The following COL4A1 variants were observed in gnomAD, a reference collection of about 807,000 sequenced individuals.
The protein encoded by COL4A1 is collagen alpha-1(IV) chain.
A neutral mutation model predicts 216.6 loss-of-function variants in COL4A1; 40 were observed. The ratio of observed to expected loss-of-function variants is 0.18; its 90% CI spans 0.14 to 0.24. The LOEUF is 0.24. Ranked by LOEUF, COL4A1 falls within the 10% of genes least tolerant of loss-of-function variation. The pLI, the probability that COL4A1 is intolerant of heterozygous loss-of-function variation, is 1.00. For missense variants in COL4A1, 1,628 were observed against 2,196.8 expected (o/e 0.74, Z 5.18); for synonymous variants, 839 against 810.7 (o/e 1.03, Z -0.59).
chr13:110,301,262 T>C (rs1230121793), intron 1 of COL4A1, among the ~76,000 whole-genome samples: 1 of 152,212 alleles, frequency 6.6e-6, no homozygotes, highest in Non-Finnish European at 1.5e-5. Context: ...CCCAAGAGAA[T>C]GGCAGCTAGA....
chr13:110,264,991 C>T (rs373858233), intron 1 of COL4A1, among the ~76,000 whole-genome samples: 1 of 152,252 alleles, frequency 6.6e-6, no homozygotes, highest in Non-Finnish European at 1.5e-5. Context: ...GTTGCTGGAT[C>T]GCCAAGTGCT....
chr13:110,266,162 G>A (rs1249253514), intron 1 of COL4A1: 2 of 152,238 alleles, frequency 1.3e-5, no homozygotes, highest in African/African-American at 4.8e-5. Flanking sequence ...TGCACACAGC[G>A]AAAGATCGCC....
chr13:110,156,436 T>G (rs1446330480), intron 49 of COL4A1, among the ~76,000 whole-genome samples: 1 of 152,212 alleles, frequency 6.6e-6, no homozygotes, highest in African/African-American at 2.4e-5. Flanking sequence ...ATGGGCCTCC[T>G]GCGGGAAACT....
chr13:110,247,601 G>A (rs1406050447), intron 1 of COL4A1, among the ~76,000 whole-genome samples: 2 of 152,068 alleles, frequency 1.3e-5, no homozygotes, highest in Non-Finnish European at 2.9e-5. Context: ...AGGGGAGGAA[G>A]AGAAGTCAAT....
chr13:110,162,414 G>A lies in COL4A1; in HGVS notation c.4278C>T (p.Gly1426=), dbSNP rs781722851. The change falls in exon 48 of 52, where the codon GGC becomes GGT. Residue 1426 remains glycine (G), a synonymous_variant. Coordinates refer to ENST00000375820, the MANE Select transcript of COL4A1 (RefSeq NM_001845.6). ...TGPRGFPGPP[G]PDGLPGSMGP... Reference sequence around the variant, plus strand: ...CCATGGATCCTGGCAACCCATCGGGGCCTGGTGGACCTGGAAATCCTCTTG... The same window carrying A: ...CCATGGATCCTGGCAACCCATCGGGACCTGGTGGACCTGGAAATCCTCTTG... The A allele has an allele frequency of 1.2e-6, 2 of 1,614,174 alleles. No homozygotes were observed. Among genetic ancestry groups the A allele is most frequent in the Non-Finnish European group, 1.7e-6 (2 of 1,180,004 alleles).
chr13:110,211,715 AT>A lies in COL4A1; in HGVS notation c.442-43del. 1 of 1,589,490 alleles carries A rather than the reference AT, an allele frequency of 6.3e-7. No individual in the cohort carries two copies. The highest frequency in any genetic ancestry group is 8.6e-7 in the Non-Finnish European group (1 of 1,162,166). ...TGGTGTTAGTTTTGTTTTTCTCAAA[AT>A]ATCATTAGCATTAAAATTGTTATCA... On this transcript the variant is annotated intron_variant, in intron 7 of 51. Transcript: ENST00000375820. The surrounding 1 kb of genome is among the most constrained non-coding windows in gnomAD (Gnocchi z 4.3).
intron 1 of COL4A1, among the ~76,000 whole-genome samples, chr13:110,273,757 C>T (rs1030417761): frequency 1.3e-5 from 2 of 152,208 alleles, no homozygotes; most frequent in Non-Finnish European, 2.9e-5. Context: ...ACCCCAGTGT[C>T]CATCAGTGCT....
chr13:110,283,102 C>T (rs1385358297), intron 1 of COL4A1, among the ~76,000 whole-genome samples: 2 of 152,180 alleles, frequency 1.3e-5, no homozygotes, highest in Non-Finnish European at 2.9e-5. Context: ...TCTCTCCTTA[C>T]CATGTTTTAT....
intron 2 of COL4A1, among the ~76,000 whole-genome samples, chr13:110,218,075 C>G (rs532338197): frequency 3.3e-5 from 5 of 152,228 alleles, no homozygotes; most frequent in Non-Finnish European, 5.9e-5. Flanking sequence ...AAATACAAAT[C>G]AAATACCCAG....
intron 1 of COL4A1, chr13:110,298,590 T>C (rs1180453778): frequency 1.3e-5 from 2 of 152,252 alleles, no homozygotes; most frequent in South Asian, 2.1e-4. Context: ...TTAGGAGTTA[T>C]TTTAAACCAC....
chr13:110,185,041 G>A (rs1878339667), intron 26 of COL4A1, among the ~76,000 whole-genome samples: 1 of 152,190 alleles, frequency 6.6e-6, no homozygotes, highest in Admixed American at 6.5e-5. Flanking sequence ...GGCTCAATAT[G>A]GTTATTGACA....
chr13:110,203,957 A>C (rs1439392784), intron 17 of COL4A1, among the ~76,000 whole-genome samples: 1 of 152,244 alleles, frequency 6.6e-6, no homozygotes, highest in African/African-American at 2.4e-5. Context: ...CAATTTTAAA[A>C]AGAGAAATGA....
In COL4A1 at chr13:110,198,501, A is replaced by G; in HGVS notation, c.1251T>C (p.Gly417=). The G allele has an allele frequency of 1.2e-6, 2 of 1,613,896 alleles. No individual in the cohort carries two copies. Among genetic ancestry groups the G allele is most frequent in the Non-Finnish European group, 1.7e-6 (2 of 1,179,958 alleles). ...SGRDGLPGPP[G]SPGPPGQPGY... ...CAGGCTGCCCAGGGGGCCCAGGGGA[A>G]CCAGGAGGACCCGGGAGCCCATCTC... Residue 417 remains glycine (G), a synonymous_variant, in exon 21 of 52, where the codon GGT becomes GGC. Coordinates refer to ENST00000375820, the MANE Select transcript of COL4A1 (RefSeq NM_001845.6).
intron 23 of COL4A1, among the ~76,000 whole-genome samples, chr13:110,192,609 G>A (rs1878688632): frequency 6.6e-6 from 1 of 152,164 alleles, no homozygotes. Flanking sequence ...GGAGGGAACT[G>A]TTATGCTGCT....
intron 1 of COL4A1, among the ~76,000 whole-genome samples, chr13:110,248,084 T>C (rs888995723): frequency 4.0e-5 from 6 of 151,594 alleles, no homozygotes; most frequent in African/African-American, 1.5e-4. Context: ...ACAGCTTATC[T>C]TTCAAATTCT....
At chr13:110,249,491 G>A (rs1881983478) in intron 1 of COL4A1, among the ~76,000 whole-genome samples, 1 of 152,132 alleles carries the variant, frequency 6.6e-6, no homozygotes, top group African/African-American at 2.4e-5. Context: ...AGCACCCGCA[G>A]CAAGCTGAAG....
intron 2 of COL4A1, 43 bp downstream of exon 2, chr13:110,242,632 C>T: frequency 6.3e-7 from 1 of 1,591,544 alleles, no homozygotes. Flanking sequence ...ACTTACTGTC[C>T]AATTCACAAA....
rs111708996 is a variant in COL4A1 at position 110,181,154 on chromosome 13, T to C, written c.2193+138A>G. 1.8e-5 allele frequency: 13 copies of C among 732,084 alleles called. 1 individual carries two copies. The highest frequency in any genetic ancestry group is 8.8e-5 in the African/African-American group (5 of 57,008). 45.3% of individuals were successfully genotyped at this position (732,084 alleles called of 1,614,324 possible). On this transcript the variant is annotated intron_variant, in intron 29 of 51. Coordinates refer to ENST00000375820, the MANE Select transcript of COL4A1 (RefSeq NM_001845.6). ...CCATGTGCTACGTTCTCTGATACTT[T>C]CTATTCTATGTTATTTCATCAAAAA...
At chr13:110,201,018 C>T (rs770585383) in intron 19 of COL4A1, 129 bp from the exon 20 acceptor site, 26 of 1,041,844 alleles carry the variant, frequency 2.5e-5, no homozygotes, top group Non-Finnish European at 3.8e-5. Context: ...ACGTAGAAAA[C>T]AGAGCGGGAG....
Sources: gnomAD v4.1 joint callset for allele counts (sites outside exome capture counted in the v4.1 genomes callset) on GRCh38, gnomAD v4.1.1 for gene constraint, Gnocchi (gnomAD v3.1) non-coding constraint, MANE v1.5 for transcripts, NCBI Gene and HGNC (gene_info 2026-07-23, HGNC 2026-07-21) for gene names.